The following RASGRP3 variants were observed in gnomAD, a reference collection of about 807,000 sequenced individuals.
RASGRP3 encodes the protein ras guanyl-releasing protein 3.
In RASGRP3, 54 loss-of-function variants were observed where a neutral mutation model predicts 82.7. That is an observed-to-expected ratio of 0.65 (90% CI 0.52 to 0.82). The LOEUF (loss-of-function observed/expected upper bound fraction) is 0.82. Among genes scored for constraint, RASGRP3 ranks in the 40% least tolerant of loss-of-function variants. The pLI is 0.00. For synonymous variants in RASGRP3, 309 were observed against 300.5 expected (o/e 1.03, Z -0.29); for missense variants, 861 against 828.9 (o/e 1.04, Z -0.48).
intron 2 of RASGRP3, among the ~76,000 whole-genome samples, chr2:33,470,610 A>C (rs1241169023): frequency 1.3e-5 from 2 of 151,914 alleles, no homozygotes; most frequent in Non-Finnish European, 2.9e-5. Flanking sequence ...CGATCTCCTG[A>C]CCTTGTGATC....
intron 11 of RASGRP3, among the ~76,000 whole-genome samples, chr2:33,538,157 G>A (rs551321814): frequency 9.9e-5 from 15 of 152,254 alleles, no homozygotes; most frequent in African/African-American, 3.4e-4. Flanking sequence ...TGGAGAACTC[G>A]GATAGGATTT....
Position 33,537,320 on chromosome 2 carries a change from A to AC in RASGRP3, c.1162-1772dup, listed in dbSNP as rs1266542679. The stretch of plus-strand genomic sequence containing the variant: ...GTCTCTAAAATACACACACACACAC[A>AC]CCGCCCCCCCCACACACACACACAA... On this transcript the variant is annotated intron_variant, in intron 11 of 17. Coordinates refer to ENST00000403687, the MANE Select transcript of RASGRP3 (RefSeq NM_001139488.2). Among the ~76,000 whole-genome samples the AC allele has an allele frequency of 3.6e-3, 119 of 33,280 alleles. 6 individuals carry two copies. Among genetic ancestry groups the AC allele is most frequent in the South Asian group, 0.015 (19 of 1,276 alleles). 21.8% of individuals were successfully genotyped at this position (33,280 alleles called of 152,430 possible).
At chr2:33,550,836 A>G (rs1210712307) in intron 14 of RASGRP3, among the ~76,000 whole-genome samples, 2 of 151,916 alleles carry the variant, frequency 1.3e-5, no homozygotes, top group East Asian at 3.9e-4. Flanking sequence ...TCAAGCACAC[A>G]CTCCTCTGAG....
chr2:33,537,394 T>G (rs183578394), intron 11 of RASGRP3, among the ~76,000 whole-genome samples: 1 of 148,734 alleles, frequency 6.7e-6, no homozygotes, highest in Non-Finnish European at 1.5e-5. Flanking sequence ...GGAGTCTTGC[T>G]GTGTCTCCCA....
At chr2:33,527,071 T>G (rs1672634375) in intron 9 of RASGRP3, 66 bp from the exon 10 acceptor site, 2 of 1,535,260 alleles carry the variant, frequency 1.3e-6, no homozygotes, top group African/African-American at 2.7e-5. Flanking sequence ...AGCCACACAT[T>G]GCAGGGCCCG....
At position 33,549,659 on chromosome 2, in the gene RASGRP3, C is replaced by T; in HGVS notation, c.1450C>T (p.Gln484Ter). 1 of 1,613,606 alleles carries T rather than the reference C, an allele frequency of 6.2e-7. No homozygotes were observed. The highest frequency in any genetic ancestry group is 2.2e-5 in the East Asian group (1 of 44,878). Residue 484 changes from glutamine (Q) to a stop codon, truncating the protein, a stop_gained, in exon 14 of 18, where the codon CAA (glutamine) becomes TAA (stop). Transcript: ENST00000403687. LOFTEE classifies it high-confidence loss of function. ...MMAYFLRAKS[Q>*]LHCKMGPGFI... ...GGCTTACTTCCTGAGAGCTAAATCC[C>T]AACTACACTGTAAAATGGGACCAGG...
At chr2:33,503,481 G>GA (rs1484920242) in intron 1 of RASGRP3, among the ~76,000 whole-genome samples, 1 of 152,118 alleles carries the variant, frequency 6.6e-6, no homozygotes, top group Admixed American at 6.6e-5. Context: ...TTTGCTGCAG[G>GA]AAAAACATCT....
chr2:33,499,018 C>T (rs1374198224), intron 1 of RASGRP3, among the ~76,000 whole-genome samples: 1 of 152,180 alleles, frequency 6.6e-6, no homozygotes, highest in African/African-American at 2.4e-5. Flanking sequence ...GGAAGCATAT[C>T]TTGAAATTCC....
intron 14 of RASGRP3, among the ~76,000 whole-genome samples, chr2:33,553,817 C>T (rs530778082): frequency 2.7e-4 from 41 of 152,288 alleles, no homozygotes; most frequent in African/African-American, 9.6e-4. Context: ...TGGCTCACTG[C>T]AACCTCTACC....
At chr2:33,532,175 C>G (rs1272923227) in intron 10 of RASGRP3, 1 of 152,292 alleles carries the variant, frequency 6.6e-6, no homozygotes, top group Non-Finnish European at 1.5e-5. Flanking sequence ...TTGGCCCATA[C>G]GGAATCCTAA....
At chr2:33,492,491 A>C (rs1243839179) in intron 1 of RASGRP3, among the ~76,000 whole-genome samples, 2 of 152,070 alleles carry the variant, frequency 1.3e-5, no homozygotes, top group African/African-American at 4.8e-5. Context: ...TGAAGCTCTA[A>C]CCCCCAATAT....
At chr2:33,480,384 G>A (rs148694871) in intron 1 of RASGRP3, among the ~76,000 whole-genome samples, 3 of 152,116 alleles carry the variant, frequency 2.0e-5, no homozygotes, top group Non-Finnish European at 4.4e-5. Context: ...CCACCTGCCT[G>A]CTGCCTCTAA....
At chr2:33,523,846 A>G (rs6735997) in intron 7 of RASGRP3, 33 bp from the exon 8 acceptor site, 291,336 of 1,564,462 alleles carry the variant, frequency 0.19, 29,002 homozygotes, top group Admixed American at 0.23. Flanking sequence ...AGGCTCTATT[A>G]TAATTCAGAG....
At chr2:33,469,230 A>G (rs1666909196) in intron 2 of RASGRP3, among the ~76,000 whole-genome samples, 1 of 152,056 alleles carries the variant, frequency 6.6e-6, no homozygotes, top group Non-Finnish European at 1.5e-5. Flanking sequence ...TACCATACGT[A>G]TTTCACTTTT....
intron 1 of RASGRP3, chr2:33,482,742 A>G (rs1460338683): frequency 6.6e-6 from 1 of 152,228 alleles, no homozygotes; most frequent in Non-Finnish European, 1.5e-5. Flanking sequence ...TGCCAAGATC[A>G]TAAAAATAGC....
chr2:33,519,097 C>T (rs972692095), intron 4 of RASGRP3, among the ~76,000 whole-genome samples: 8 of 152,160 alleles, frequency 5.3e-5, no homozygotes, highest in Non-Finnish European at 1.2e-4. Context: ...ATGACTCACA[C>T]AACAGCAGGT....
intron 2 of RASGRP3, among the ~76,000 whole-genome samples, chr2:33,451,635 T>A (rs72865922): frequency 0.038 from 5,828 of 152,304 alleles, 375 homozygotes; most frequent in African/African-American, 0.13. Flanking sequence ...CGATTTCATT[T>A]ACTGCTGCTT....
intron 1 of RASGRP3, among the ~76,000 whole-genome samples, chr2:33,488,849 T>C (rs759989144): frequency 2.6e-5 from 4 of 152,254 alleles, no homozygotes; most frequent in Non-Finnish European, 5.9e-5. Flanking sequence ...GATGAAGATA[T>C]CGAGTATTCA....
At chr2:33,456,645 A>G (rs1361871268) in intron 2 of RASGRP3, among the ~76,000 whole-genome samples, 1 of 152,220 alleles carries the variant, frequency 6.6e-6, no homozygotes, top group Non-Finnish European at 1.5e-5. Flanking sequence ...ATGATAATCC[A>G]CACATATTTA....
Sources: allele counts gnomAD v4.1 joint callset (sites outside exome capture counted in the v4.1 genomes callset), GRCh38; gene constraint gnomAD v4.1.1; transcripts MANE v1.5; gene names NCBI Gene and HGNC (gene_info 2026-07-23, HGNC 2026-07-21).